The following PKHD1 variants were observed in gnomAD, a reference collection of about 807,000 sequenced individuals.
PKHD1 encodes the protein PKHD1 ciliary IPT domain containing fibrocystin/polyductin.
Under a neutral mutation model 412.0 loss-of-function variants are expected in PKHD1, and 291 were observed. The observed-to-expected ratio is 0.71, with a 90% confidence interval of 0.64 to 0.78. The LOEUF (loss-of-function observed/expected upper bound fraction) is 0.78. Ranked by LOEUF, PKHD1 falls within the 30% of genes least tolerant of loss-of-function variation. PKHD1 has a pLI of 0.00. For synonymous variants in PKHD1, 1,777 were observed against 1,821.5 expected (o/e 0.98, Z 0.62); for missense variants, 4,825 against 4,950.7 (o/e 0.97, Z 0.76).
At chr6:51,919,503 C>A (rs908670338) in intron 37 of PKHD1, among the ~76,000 whole-genome samples, 2 of 152,168 alleles carry the variant, frequency 1.3e-5, no homozygotes, top group Non-Finnish European at 1.5e-5. Flanking sequence ...TGTTTTGGTA[C>A]AAGTACCATG....
At chr6:51,682,600 C>A (rs563246102) in intron 60 of PKHD1, among the ~76,000 whole-genome samples, 1 of 152,126 alleles carries the variant, frequency 6.6e-6, no homozygotes, top group South Asian at 2.1e-4. Flanking sequence ...TTGCTATGTC[C>A]AGGTCTTCTC....
chr6:52,066,465 C>T (rs1582067701), intron 11 of PKHD1, among the ~76,000 whole-genome samples: 2 of 152,262 alleles, frequency 1.3e-5, no homozygotes, highest in East Asian at 3.9e-4. Context: ...TCAGTTCACC[C>T]ATATGAATCT....
chr6:51,765,852 TTAA>T (rs1336869267), intron 55 of PKHD1, among the ~76,000 whole-genome samples: 1 of 152,126 alleles, frequency 6.6e-6, no homozygotes, highest in Non-Finnish European at 1.5e-5. Context: ...AGATATTTGC[TTAA>T]TAATTGAATG....
chr6:51,647,190 G>A (rs111396070), intron 63 of PKHD1, among the ~76,000 whole-genome samples: 164 of 152,192 alleles, frequency 1.1e-3, no homozygotes, highest in African/African-American at 3.4e-3. Context: ...GAACAATTTC[G>A]TAATAAATTA....
At position 51,779,789 on chromosome 6, in the gene PKHD1, TA is replaced by T. The variant is rs35453380; in HGVS notation, c.8441-3869del. On this transcript the variant is annotated intron_variant, in intron 53 of 66. Coordinates refer to ENST00000371117, the MANE Select transcript of PKHD1 (RefSeq NM_138694.4). ...GTAGTAAAGCCAACACAACTGTTGC[TA>T]AAAAAAAAAATACAATAATGATACA... Among the ~76,000 whole-genome samples the T allele has an allele frequency of 1.1e-3, 165 of 147,944 alleles. 2 individuals are homozygous for T. Among genetic ancestry groups the T allele is most frequent in the East Asian group, 3.2e-3 (16 of 5,068 alleles).
At chr6:51,745,482 C>A (rs904374210) in intron 59 of PKHD1, among the ~76,000 whole-genome samples, 1 of 152,106 alleles carries the variant, frequency 6.6e-6, no homozygotes, top group African/African-American at 2.4e-5. Context: ...GAGGGAGAAA[C>A]CTTCACCAGA....
intron 37 of PKHD1, among the ~76,000 whole-genome samples, chr6:51,933,281 T>C (rs140589737): frequency 1.0e-3 from 158 of 152,240 alleles, no homozygotes; most frequent in Non-Finnish European, 1.9e-3. Context: ...GCAAATAAAG[T>C]TGGAGTAGAA....
chr6:51,761,393 G>A (rs947526827), intron 55 of PKHD1, among the ~76,000 whole-genome samples: 5 of 152,098 alleles, frequency 3.3e-5, no homozygotes, highest in African/African-American at 1.2e-4. Context: ...CACTGGACTA[G>A]AGAGTAGAAT....
intron 36 of PKHD1, among the ~76,000 whole-genome samples, chr6:51,949,496 C>T (rs1789988173): frequency 6.6e-6 from 1 of 152,164 alleles, no homozygotes; most frequent in South Asian, 2.1e-4. Context: ...AAGGCACCCA[C>T]AGCCCAAAGA....
intron 46 of PKHD1, among the ~76,000 whole-genome samples, chr6:51,882,154 C>T (rs896413760): frequency 3.9e-5 from 6 of 152,108 alleles, no homozygotes; most frequent in Non-Finnish European, 7.4e-5. Context: ...CTCTGATGTA[C>T]CACAGCATCA....
At chr6:51,767,633 A>G (rs1789329488) in intron 55 of PKHD1, among the ~76,000 whole-genome samples, 1 of 152,168 alleles carries the variant, frequency 6.6e-6, no homozygotes, top group African/African-American at 2.4e-5. Context: ...ATGTCCCTAC[A>G]AAGGACATGA....
intron 35 of PKHD1, among the ~76,000 whole-genome samples, chr6:51,976,198 C>T (rs540724612): frequency 1.7e-3 from 264 of 152,172 alleles, no homozygotes; most frequent in African/African-American, 6.0e-3. Flanking sequence ...CAGCTATGTT[C>T]GTAGCAGCAT....
chr6:51,808,152 A>T (rs1474636785), intron 52 of PKHD1, among the ~76,000 whole-genome samples: 1 of 152,220 alleles, frequency 6.6e-6, no homozygotes, highest in Non-Finnish European at 1.5e-5. Context: ...GAATAATTAC[A>T]TGGAATAATA....
At chr6:51,796,817 A>ATTTT (rs35774390) in intron 52 of PKHD1, among the ~76,000 whole-genome samples, 2,036 of 136,830 alleles carry the variant, frequency 0.015, 61 homozygotes, top group African/African-American at 0.048. Context: ...TTTTGAATAG[A>ATTTT]TTTTTTTTTT....
chr6:51,735,083 C>A (rs1234352725), intron 60 of PKHD1, among the ~76,000 whole-genome samples: 2 of 152,080 alleles, frequency 1.3e-5, no homozygotes, highest in Non-Finnish European at 2.9e-5. Flanking sequence ...TCGACAGTTA[C>A]TTGTTAAACT....
chr6:51,694,589 T>C (rs1025301057), intron 60 of PKHD1, among the ~76,000 whole-genome samples: 1 of 126,758 alleles, frequency 7.9e-6, no homozygotes, highest in African/African-American at 3.0e-5. Context: ...GAGACCAGGT[T>C]TCACCATGTC....
chr6:51,784,715 A>C (rs1792585582), intron 53 of PKHD1, among the ~76,000 whole-genome samples: 1 of 152,206 alleles, frequency 6.6e-6, no homozygotes, highest in Non-Finnish European at 1.5e-5. Context: ...ACTCACTACT[A>C]TTCACTATTC....
intron 4 of PKHD1, among the ~76,000 whole-genome samples, chr6:52,081,146 G>A (rs927025491): frequency 1.3e-5 from 2 of 152,036 alleles, no homozygotes; most frequent in Non-Finnish European, 2.9e-5. Flanking sequence ...TCTTTAAAAA[G>A]ATGACATAAA....
At position 51,906,319 on chromosome 6, in the gene PKHD1, G is replaced by C; in HGVS notation, c.6704C>G (p.Thr2235Arg). Residue 2235 changes from threonine to arginine, a missense_variant, in exon 41 of 67, where the codon ACA becomes AGA. Thr to Arg is a moderately conservative substitution (Grantham distance 71). Coordinates refer to ENST00000371117, the MANE Select transcript of PKHD1 (RefSeq NM_138694.4). Reference sequence around the variant, plus strand: ...GCCTCTACTGAAGGAGTTCCTCACTGTGCAGCCCTGTATGAAAGACTCTGA... The same window carrying C: ...GCCTCTACTGAAGGAGTTCCTCACTCTGCAGCCCTGTATGAAAGACTCTGA... ...AMRESFIQGCTVRNSFSRGLS... is the reference protein window; with the variant it reads ...AMRESFIQGCRVRNSFSRGLS... The C allele has an allele frequency of 6.2e-7, 1 of 1,610,560 alleles. No individual in the cohort carries two copies. Among genetic ancestry groups the C allele is most frequent in the Non-Finnish European group, 8.5e-7 (1 of 1,177,056 alleles).
Sources: allele counts gnomAD v4.1 joint callset (sites outside exome capture counted in the v4.1 genomes callset), GRCh38; gene constraint gnomAD v4.1.1; transcripts MANE v1.5; gene names NCBI Gene and HGNC (gene_info 2026-07-23, HGNC 2026-07-21).